The following TPD52L1 variants were observed in gnomAD, a reference collection of about 807,000 sequenced individuals.
TPD52L1 encodes tumor protein D53.
A neutral mutation model predicts 28.7 loss-of-function variants in TPD52L1; 18 were observed. That is an observed-to-expected ratio of 0.63 (90% CI 0.43 to 0.93). The LOEUF (loss-of-function observed/expected upper bound fraction) is 0.93. Ranked by LOEUF, TPD52L1 falls within the 40% of genes least tolerant of loss-of-function variation. The probability of loss-of-function intolerance (pLI) is 0.00; values close to 1 mark genes in which losing one functional copy is unlikely to be tolerated. For synonymous variants in TPD52L1, 75 were observed against 88.8 expected (o/e 0.84, Z 0.88); for missense variants, 203 against 254.8 (o/e 0.80, Z 1.39).
At chr6:125,160,850 CT>C (rs57061570) in intron 1 of TPD52L1, among the ~76,000 whole-genome samples, 4,354 of 129,388 alleles carry the variant, frequency 0.034, 51 homozygotes, top group African/African-American at 0.048. Flanking sequence ...ACAGAGATGA[CT>C]TTTTTTTTTT....
At chr6:125,244,823 G>A (rs576511195) in intron 3 of TPD52L1, among the ~76,000 whole-genome samples, 1 of 152,236 alleles carries the variant, frequency 6.6e-6, no homozygotes, top group Non-Finnish European at 1.5e-5. Context: ...GCCCAGCACT[G>A]CAATTGTGTC....
At chr6:125,155,712 C>G (rs1192004196) in intron 1 of TPD52L1, among the ~76,000 whole-genome samples, 2 of 152,106 alleles carry the variant, frequency 1.3e-5, no homozygotes, top group East Asian at 3.9e-4. Context: ...CAGCGAGAGC[C>G]TGAAAAACTA....
At chr6:125,208,933 G>A in intron 1 of TPD52L1, 1 of 985,402 alleles carries the variant, frequency 1.0e-6, no homozygotes. Context: ...CCAAGGTGTA[G>A]CTCAAAGCTG....
chr6:125,238,679 TC>T lies in TPD52L1; in HGVS notation c.284+9414del, dbSNP rs1313376396. On this transcript the variant is annotated intron_variant, in intron 3 of 6. Transcript: ENST00000534000. The stretch of plus-strand genomic sequence containing the variant: ...TGCTGCAAATGTCATTATTTCATTC[TC>T]TTTTATGGCTGAGTAGTATTCCATG... Among the ~76,000 whole-genome samples, 4 of 152,346 alleles carry T rather than the reference TC, an allele frequency of 2.6e-5. No individual in the cohort carries two copies. The East Asian group carries it at 7.7e-4, about 29-fold the overall frequency.
chr6:125,166,882 T>G (rs1306121068), intron 1 of TPD52L1, among the ~76,000 whole-genome samples: 1 of 152,048 alleles, frequency 6.6e-6, no homozygotes, highest in Non-Finnish European at 1.5e-5. Flanking sequence ...TGGGAGGAAT[T>G]TGTGACAGCT....
chr6:125,172,607 A>C (rs1791564994), intron 1 of TPD52L1, among the ~76,000 whole-genome samples: 1 of 123,248 alleles, frequency 8.1e-6, no homozygotes, highest in South Asian at 2.4e-4. Flanking sequence ...ATATATATAA[A>C]TATATATAAT....
chr6:125,195,248 G>T (rs1392466991), intron 1 of TPD52L1, among the ~76,000 whole-genome samples: 2 of 152,194 alleles, frequency 1.3e-5, no homozygotes, highest in African/African-American at 4.8e-5. Flanking sequence ...CCCTGTTGTT[G>T]TTTGAGTCTC....
chr6:125,175,561 G>A (rs1383935706), intron 1 of TPD52L1, among the ~76,000 whole-genome samples: 1 of 152,100 alleles, frequency 6.6e-6, no homozygotes, highest in East Asian at 1.9e-4. Flanking sequence ...AGAGAGGAAG[G>A]GGAAAATATG....
chr6:125,176,554 A>C (rs1307870301), intron 1 of TPD52L1, among the ~76,000 whole-genome samples: 1 of 152,196 alleles, frequency 6.6e-6, no homozygotes, highest in East Asian at 1.9e-4. Context: ...GGAATCTGTA[A>C]AATGAATCTT....
At chr6:125,262,625 A>G (rs925980590) in intron 6 of TPD52L1, 6 of 577,824 alleles carry the variant, frequency 1.0e-5, no homozygotes, top group African/African-American at 7.6e-5. Flanking sequence ...AGTGTGCAAA[A>G]TTAAAGTTTG....
At chr6:125,223,698 G>A (rs1430977807) in intron 2 of TPD52L1, among the ~76,000 whole-genome samples, 7 of 102,954 alleles carry the variant, frequency 6.8e-5, no homozygotes, top group Middle Eastern at 9.4e-3. Flanking sequence ...AACAGAGTGA[G>A]ATTCCATCTC....
intron 6 of TPD52L1, among the ~76,000 whole-genome samples, chr6:125,258,359 G>T (rs942456672): frequency 1.3e-5 from 2 of 152,154 alleles, no homozygotes; most frequent in African/African-American, 2.4e-5. Flanking sequence ...AATGGGAGCC[G>T]TTAAACAGCC....
chr6:125,214,011 G>A (rs1403815406), intron 1 of TPD52L1, among the ~76,000 whole-genome samples: 3 of 152,168 alleles, frequency 2.0e-5, no homozygotes, highest in African/African-American at 7.2e-5. Context: ...TAGGCCAGAG[G>A]AGAGTTCTTG....
At chr6:125,230,302 T>C (rs1261089618) in intron 3 of TPD52L1, among the ~76,000 whole-genome samples, 1 of 152,120 alleles carries the variant, frequency 6.6e-6, no homozygotes, top group African/African-American at 2.4e-5. Context: ...ACTCCACATA[T>C]GTGATGTGAT....
chr6:125,256,412 T>C (rs899008386), intron 5 of TPD52L1, among the ~76,000 whole-genome samples: 4 of 152,154 alleles, frequency 2.6e-5, no homozygotes, highest in Non-Finnish European at 5.9e-5. Context: ...AGTAGGTATA[T>C]CTATTTGAGA....
chr6:125,188,968 A>G lies in TPD52L1; in HGVS notation c.20-31110A>G, dbSNP rs549672109. ...AGTTTACCTTGGGCCAAAGCCTTGC[A>G]ATACTTTTAGAGAATTAGCTTAAGC... is the stretch of plus-strand genomic sequence containing the variant. On this transcript the variant is annotated intron_variant, in intron 1 of 6. Coordinates refer to ENST00000534000, the MANE Select transcript of TPD52L1 (RefSeq NM_003287.4). 2.6e-5 allele frequency among the ~76,000 whole-genome samples: 4 copies of G among 152,364 alleles called. 1 individual carries two copies. The East Asian group carries it at 7.7e-4, about 29-fold the overall frequency.
intron 1 of TPD52L1, among the ~76,000 whole-genome samples, chr6:125,192,336 A>T (rs142219428): frequency 2.7e-3 from 354 of 132,250 alleles, no homozygotes; most frequent in African/African-American, 8.4e-3. Context: ...TTTTTTTTTT[A>T]TCTGGTGTTG....
rs1010917393 is a variant in TPD52L1, at chr6:125,209,052, T to A, written c.20-11026T>A. 7 of 692,276 alleles carry A rather than the reference T, an allele frequency of 1.0e-5. No individual in the cohort carries two copies. The African/African-American group carries it at 1.4e-4, about 13-fold the overall frequency. The allele number at this position is 692,276 out of a possible 1,614,324, so 42.9% of individuals were successfully genotyped here. ...CTGACACAGCTTTATTTATTTCCCATACACAGCCTTGATCTCTGATACTGG... is the reference window on the plus strand; with the variant it reads ...CTGACACAGCTTTATTTATTTCCCAAACACAGCCTTGATCTCTGATACTGG... On this transcript the variant is annotated intron_variant, in intron 1 of 6. Transcript: ENST00000534000.
intron 3 of TPD52L1, among the ~76,000 whole-genome samples, chr6:125,233,556 G>T (rs944521238): frequency 6.6e-6 from 1 of 152,154 alleles, no homozygotes; most frequent in Non-Finnish European, 1.5e-5. Flanking sequence ...TTTTCTTCTA[G>T]ATTCAAGTGG....
Sources: allele counts gnomAD v4.1 joint callset (sites outside exome capture counted in the v4.1 genomes callset), GRCh38; gene constraint gnomAD v4.1.1; transcripts MANE v1.5; gene names NCBI Gene and HGNC (gene_info 2026-07-23, HGNC 2026-07-21).